The following CHN2 variants were observed in gnomAD, a reference collection of about 807,000 sequenced individuals.
CHN2 encodes the protein beta-chimaerin.
A neutral mutation model predicts 56.3 loss-of-function variants in CHN2; 35 were observed. The ratio of observed to expected loss-of-function variants is 0.62; its 90% confidence interval spans 0.47 to 0.82. CHN2 has a LOEUF of 0.82. Among genes scored for constraint, CHN2 ranks in the 40% least tolerant of loss-of-function variants. The pLI, the probability that CHN2 is intolerant of heterozygous loss-of-function variation, is 0.00. For missense variants in CHN2, 491 were observed against 580.5 expected (o/e 0.85, Z 1.58); for synonymous variants, 210 against 212.8 (o/e 0.99, Z 0.12).
intron 5 of CHN2, among the ~76,000 whole-genome samples, chr7:29,399,765 TTAAA>T (rs1802051379): frequency 1.3e-5 from 2 of 152,334 alleles, no homozygotes; most frequent in Admixed American, 6.5e-5. Context: ...ACAGCATATC[TTAAA>T]TAATGTAATT....
intron 2 of CHN2, among the ~76,000 whole-genome samples, chr7:29,171,826 G>A (rs1426439476): frequency 6.6e-6 from 1 of 152,122 alleles, no homozygotes; most frequent in Non-Finnish European, 1.5e-5. Flanking sequence ...AAGAAATGAA[G>A]TTGTTGTAGC....
intron 1 of CHN2, among the ~76,000 whole-genome samples, chr7:29,338,790 G>A (rs1312701187): frequency 6.6e-6 from 1 of 152,138 alleles, no homozygotes; most frequent in African/African-American, 2.4e-5. Context: ...ACGTTGGCCA[G>A]GCTGGTCTTG....
At chr7:29,479,689 C>G in intron 6 of CHN2, 1 of 1,042,392 alleles carries the variant, frequency 9.6e-7, no homozygotes, top group African/African-American at 1.7e-5. Context: ...AACGTCAGAG[C>G]TGGCTGGGGG....
intron 1 of CHN2, among the ~76,000 whole-genome samples, chr7:29,322,655 T>C (rs959409590): frequency 6.6e-6 from 1 of 152,224 alleles, no homozygotes; most frequent in Non-Finnish European, 1.5e-5. Context: ...TAGAAGTAGC[T>C]CTTTCAGCTG....
At chr7:29,182,615 T>C (rs1798201737) in intron 2 of CHN2, among the ~76,000 whole-genome samples, 1 of 152,206 alleles carries the variant, frequency 6.6e-6, no homozygotes, top group Non-Finnish European at 1.5e-5. Context: ...AACGTTCAAA[T>C]ACTTTGTCTA....
chr7:29,269,079 T>C (rs1424410778), intron 1 of CHN2, among the ~76,000 whole-genome samples: 2 of 152,202 alleles, frequency 1.3e-5, no homozygotes, highest in Admixed American at 6.5e-5. Context: ...TCAATTCCAC[T>C]CTTCTAGTTA....
chr7:29,436,625 T>C (rs1392233624), intron 6 of CHN2, among the ~76,000 whole-genome samples: 1 of 152,148 alleles, frequency 6.6e-6, no homozygotes, highest in Non-Finnish European at 1.5e-5. Flanking sequence ...CTTCCAAGGA[T>C]TGTGCCTGGT....
intron 1 of CHN2, among the ~76,000 whole-genome samples, chr7:29,210,633 C>T (rs1784844090): frequency 6.6e-6 from 1 of 150,716 alleles, no homozygotes; most frequent in African/African-American, 2.4e-5. Flanking sequence ...ATAATTATAT[C>T]TAATTATTAA....
Position 29,218,278 on chromosome 7 carries a change from G to A in CHN2, c.49+23288G>A, listed in dbSNP as rs1344560948. Among the ~76,000 whole-genome samples the A allele has an allele frequency of 4.0e-5, 6 of 150,144 alleles. No individual in the cohort carries two copies. In the East Asian group the frequency reaches 6.1e-4, roughly 15 times the overall value. On this transcript the variant is annotated intron_variant, in intron 1 of 12. Transcript: ENST00000222792. Reference sequence around the variant, plus strand: ...TACCAGACAGCCAAAGTCATGCCTCGTGAAGGTAGGCATGTGGAGTGGTGG... The same window carrying A: ...TACCAGACAGCCAAAGTCATGCCTCATGAAGGTAGGCATGTGGAGTGGTGG...
chr7:29,214,155 T>C (rs1045370283), intron 1 of CHN2, among the ~76,000 whole-genome samples: 2 of 152,178 alleles, frequency 1.3e-5, no homozygotes, highest in African/African-American at 4.8e-5. Context: ...TTTTTAGACT[T>C]CCATTTATGC....
intron 6 of CHN2, among the ~76,000 whole-genome samples, chr7:29,472,441 C>T (rs73082492): frequency 0.14 from 21,204 of 150,910 alleles, 1,910 homozygotes; most frequent in Non-Finnish European, 0.19. Context: ...CAGGGCTGTA[C>T]GAATGGCTGC....
At chr7:29,270,725 G>A (rs2128846341) in intron 1 of CHN2, among the ~76,000 whole-genome samples, 1 of 151,948 alleles carries the variant, frequency 6.6e-6, no homozygotes, top group Admixed American at 6.6e-5. Context: ...TTTAATGTTT[G>A]AGTATAGCAG....
chr7:29,467,702 T>A (rs77226636), intron 6 of CHN2, among the ~76,000 whole-genome samples: 10,079 of 152,216 alleles, frequency 0.066, 746 homozygotes, highest in African/African-American at 0.19. Context: ...TGGAAGTAGC[T>A]TGCTCTGGGT....
At chr7:29,388,126 CTT>C (rs1308781803) in intron 3 of CHN2, among the ~76,000 whole-genome samples, 1 of 152,150 alleles carries the variant, frequency 6.6e-6, no homozygotes, top group Non-Finnish European at 1.5e-5. Flanking sequence ...AATATAGACT[CTT>C]GCTGTTTGAA....
chr7:29,402,462 C>T (rs921165562), intron 6 of CHN2, among the ~76,000 whole-genome samples: 3 of 152,216 alleles, frequency 2.0e-5, no homozygotes, highest in East Asian at 1.9e-4. Context: ...GAGTTTGTTC[C>T]GGTCCAGACA....
chr7:29,442,906 C>T (rs1002632939), intron 6 of CHN2, among the ~76,000 whole-genome samples: 4 of 149,594 alleles, frequency 2.7e-5, no homozygotes, highest in African/African-American at 9.9e-5. Flanking sequence ...TCCACTTAAT[C>T]CCCATCGCTT....
intron 6 of CHN2, among the ~76,000 whole-genome samples, chr7:29,406,782 C>G (rs989119424): frequency 7.9e-5 from 12 of 152,154 alleles, no homozygotes; most frequent in African/African-American, 1.2e-4. Context: ...TTAGGCAGTT[C>G]TGATTCCCAC....
chr7:29,382,339 G>A (rs1024614276), intron 3 of CHN2, among the ~76,000 whole-genome samples: 4 of 152,148 alleles, frequency 2.6e-5, no homozygotes, highest in Non-Finnish European at 5.9e-5. Flanking sequence ...TCACTGGCTC[G>A]AAGTCACAGT....
intron 2 of CHN2, among the ~76,000 whole-genome samples, chr7:29,360,131 A>G (rs1562545666): frequency 6.6e-6 from 1 of 152,226 alleles, no homozygotes. Context: ...TCTTATACAT[A>G]CTTACGCCTG....
Sources: allele counts gnomAD v4.1 joint callset (sites outside exome capture counted in the v4.1 genomes callset), GRCh38; gene constraint gnomAD v4.1.1; transcripts MANE v1.5; gene names NCBI Gene and HGNC (gene_info 2026-07-23, HGNC 2026-07-21).